CRMP1: variants seen among roughly 807,000 people sequenced by gnomAD.
CRMP1 encodes collapsin response mediator protein 1.
A neutral mutation model predicts 68.3 loss-of-function variants in CRMP1; 19 were observed. The observed-to-expected ratio is 0.28, with a 90% CI of 0.19 to 0.41. The LOEUF is 0.41. Ranked by LOEUF, CRMP1 falls within the 10% of genes least tolerant of loss-of-function variation. The pLI is 1.00. For missense variants in CRMP1, 791 were observed against 967.4 expected, an observed-to-expected ratio of 0.82 and a Z score of 2.42; for synonymous variants, 439 against 399.6, an observed-to-expected ratio of 1.10 and a Z score of -1.18.
At chr4:5,836,720 G>A (rs1200445886) in intron 10 of CRMP1, 45 bp downstream of exon 10, 1 of 1,613,644 alleles carries the variant, frequency 6.2e-7, no homozygotes, top group African/African-American at 1.3e-5. Context: ...TCACAGGGCA[G>A]GTAGAGTGTT....
chr4:5,886,142 T>A (rs530761411), intron 1 of CRMP1, among the ~76,000 whole-genome samples: 2 of 152,182 alleles, frequency 1.3e-5, no homozygotes, highest in African/African-American at 2.4e-5. Context: ...GTGGGCCAAA[T>A]GAACACAAAT....
At position 5,855,280 on chromosome 4, in the gene CRMP1, G is replaced by C. The variant is rs1440337346; in HGVS notation, c.820+863C>G. Among the ~76,000 whole-genome samples, 1 of 152,254 alleles carries C rather than the reference G, an allele frequency of 6.6e-6. No homozygotes were observed. The highest frequency in any genetic ancestry group is 2.1e-4 in the South Asian group (1 of 4,820). On this transcript the variant is annotated intron_variant, in intron 4 of 13. Coordinates refer to ENST00000324989, the MANE Select transcript of CRMP1 (RefSeq NM_001014809.3). The surrounding 1 kb of genome is among the most constrained non-coding windows in gnomAD (Gnocchi z 4.9). ...TTCTTTAAATATTGGGGATGATACT[G>C]TTATTACGAGAAAACATAGCACAGC...
Position 5,825,584 on chromosome 4 carries a change from C to G in CRMP1, c.1879G>C (p.Ala627Pro). 6.2e-7 allele frequency: 1 copy of G among 1,602,106 alleles called. No homozygotes were observed. The highest frequency in any genetic ancestry group is 1.3e-5 in the African/African-American group (1 of 74,226). The part of the protein sequence containing the change: ...VYEVPATPKY[A>P]TPAPSAKSSP... Reference sequence around the variant, plus strand: ...GATTTGGCTGAAGGAGCGGGAGTTGCATATTTGGGTGTAGCTGGTACCTCG... The same window carrying G: ...GATTTGGCTGAAGGAGCGGGAGTTGGATATTTGGGTGTAGCTGGTACCTCG... The change falls in exon 13 of 14, where the codon GCA becomes CCA. Residue 627 changes from alanine to proline, a missense_variant. Physicochemically the swap from Ala to Pro is conservative, Grantham distance 27. Around this residue, in one of 3 missense-constraint regions of CRMP1, gnomAD observed 594 missense variants for 763.6 expected, o/e 0.78. Transcript: ENST00000324989. The surrounding 1 kb of genome is among the most constrained non-coding windows in gnomAD (Gnocchi z 4.4).
chr4:5,868,280 T>TCTATATATATAG (rs1213817219), intron 1 of CRMP1, among the ~76,000 whole-genome samples: 2 of 86,346 alleles, frequency 2.3e-5, no homozygotes, highest in African/African-American at 1.1e-4. Flanking sequence ...TATATATATA[T>TCTATATATATAG]ATATATATAT....
chr4:5,890,083 G>A lies in CRMP1; in HGVS notation c.381+2506C>T, dbSNP rs557919401. On this transcript the variant is annotated intron_variant, in intron 1 of 13. Coordinates refer to ENST00000324989, the MANE Select transcript of CRMP1 (RefSeq NM_001014809.3). This position sits in a 1 kb window ranked among gnomAD's most constrained non-coding sequence, Gnocchi z 5.5. ...TTCATGCATCCCTGGCTCTCAGCGG[G>A]GCCTAAAATCCCTGTCAATGACCGG... 2.0e-3 allele frequency: 686 copies of A among 345,466 alleles called. 2 individuals are homozygous for A. The highest frequency in any genetic ancestry group is 2.2e-3 in the Non-Finnish European group (509 of 227,428). 21.4% of individuals were successfully genotyped at this position (345,466 alleles called of 1,614,324 possible).
chr4:5,869,473 G>A (rs567719198), intron 1 of CRMP1, among the ~76,000 whole-genome samples: 26 of 151,994 alleles, frequency 1.7e-4, no homozygotes, highest in African/African-American at 5.8e-4. Context: ...ACGAGGTCAG[G>A]AGATCGAGAC....
At chr4:5,845,182 C>G (rs1712098513) in intron 6 of CRMP1, among the ~76,000 whole-genome samples, 1 of 152,178 alleles carries the variant, frequency 6.6e-6, no homozygotes, top group South Asian at 2.1e-4. Flanking sequence ...AAGATGACTC[C>G]CAGTGATCCC....
chr4:5,835,521 G>A (rs770389505), intron 11 of CRMP1, among the ~76,000 whole-genome samples: 1 of 152,248 alleles, frequency 6.6e-6, no homozygotes, highest in African/African-American at 2.4e-5. Flanking sequence ...AACCGAGTGG[G>A]AGGTTTCCGA....
chr4:5,821,934 T>G lies in CRMP1; in HGVS notation c.1970-83A>C. On this transcript the variant is annotated intron_variant, in intron 13 of 13. Transcript: ENST00000324989. This position sits in a 1 kb window ranked among gnomAD's most constrained non-coding sequence, Gnocchi z 4.4. Reference sequence around the variant, plus strand: ...CTCCTGGAGGCCATGTACTCTGCCATGCACTCCACTGGACCCACCTTCATT... The same window carrying G: ...CTCCTGGAGGCCATGTACTCTGCCAGGCACTCCACTGGACCCACCTTCATT... 2.4e-6 allele frequency: 3 copies of G among 1,252,428 alleles called. No individual in the cohort carries two copies. The highest frequency in any genetic ancestry group is 2.7e-5 in the South Asian group (2 of 73,100). 77.6% of individuals were successfully genotyped at this position (1,252,428 alleles called of 1,614,324 possible).
In CRMP1 at chr4:5,888,272, C is replaced by A; in HGVS notation, c.381+4317G>T. ...TTCTTGCCCTGGTACGACATGGCCCCCTCTGGCGCCCTCGGCCCGGCCGCT... is the reference window on the plus strand; with the variant it reads ...TTCTTGCCCTGGTACGACATGGCCCACTCTGGCGCCCTCGGCCCGGCCGCT... On this transcript the variant is annotated intron_variant, in intron 1 of 13. Transcript: ENST00000324989. This position sits in a 1 kb window ranked among gnomAD's most constrained non-coding sequence, Gnocchi z 6.4. 1 of 1,273,660 alleles carries A rather than the reference C, an allele frequency of 7.9e-7. No homozygotes were observed. Among genetic ancestry groups the A allele is most frequent in the East Asian group, 3.1e-5 (1 of 32,682 alleles). The allele number at this position is 1,273,660 out of a possible 1,614,324, so 78.9% of individuals were successfully genotyped here.
At position 5,821,924 on chromosome 4, in the gene CRMP1, T is replaced by C; in HGVS notation, c.1970-73A>G. The stretch of plus-strand genomic sequence containing the variant: ...TTCCACGCTGCTCCTGGAGGCCATG[T>C]ACTCTGCCATGCACTCCACTGGACC... On this transcript the variant is annotated intron_variant, in intron 13 of 13. Transcript: ENST00000324989. This position sits in a 1 kb window ranked among gnomAD's most constrained non-coding sequence, Gnocchi z 4.4. 8.4e-7 allele frequency: 1 copy of C among 1,187,230 alleles called. No individual in the cohort carries two copies. The highest frequency in any genetic ancestry group is 1.1e-6 in the Non-Finnish European group (1 of 872,272). 73.5% of individuals were successfully genotyped at this position (1,187,230 alleles called of 1,614,324 possible). A position where few individuals can be genotyped will look rare whatever the true frequency, so the allele number is the denominator to read the frequency against.
At position 5,843,189 on chromosome 4, in the gene CRMP1, G is replaced by C. The variant is rs574893177; in HGVS notation, c.964-28C>G. ...ACAAGACAAGAACAAGTGAGTTAAC[G>C]ATTAGAGGGTGTCAGAGCTGGGAGA... On this transcript the variant is annotated intron_variant, in intron 6 of 13. Coordinates refer to ENST00000324989, the MANE Select transcript of CRMP1 (RefSeq NM_001014809.3). This position sits in a 1 kb window ranked among gnomAD's most constrained non-coding sequence, Gnocchi z 4.1. 6.2e-7 allele frequency: 1 copy of C among 1,612,480 alleles called. No homozygotes were observed. Among genetic ancestry groups the C allele is most frequent in the Non-Finnish European group, 8.5e-7 (1 of 1,178,674 alleles).
rs373931013 is a variant in CRMP1 at position 5,871,521 on chromosome 4, G to A, written c.382-4765C>T. 5.9e-5 allele frequency among the ~76,000 whole-genome samples: 9 copies of A among 152,068 alleles called. No individual in the cohort carries two copies. In the South Asian group the frequency reaches 1.0e-3, roughly 18 times the overall value. On this transcript the variant is annotated intron_variant, in intron 1 of 13. Transcript: ENST00000324989. ...TAAAAATACAAAAAATTAGCCGGGC[G>A]TGGTGGCGCACGCCTGTGGTCCCAG...
chr4:5,858,394 T>G lies in CRMP1; in HGVS notation c.656-2087A>C, dbSNP rs1462762752. On this transcript the variant is annotated intron_variant, in intron 3 of 13. Coordinates refer to ENST00000324989, the MANE Select transcript of CRMP1 (RefSeq NM_001014809.3). This position sits in a 1 kb window ranked among gnomAD's most constrained non-coding sequence, Gnocchi z 5.5. ...CCAAATGAGAATGTCCAAAACCTCA[T>G]GCAATACTCTCCCCACCCCGACCCC... Among the ~76,000 whole-genome samples the G allele has an allele frequency of 1.3e-5, 2 of 150,320 alleles. No individual in the cohort carries two copies. The highest frequency in any genetic ancestry group is 3.0e-5 in the Non-Finnish European group (2 of 67,732).
intron 6 of CRMP1, among the ~76,000 whole-genome samples, chr4:5,844,543 C>T (rs144048281): frequency 6.6e-6 from 1 of 152,304 alleles, no homozygotes; most frequent in Non-Finnish European, 1.5e-5. Context: ...CCAAAACACA[C>T]AGAAGTCACA....
At chr4:5,824,893 TAAG>T (rs1363895502) in intron 13 of CRMP1, 3 of 985,394 alleles carry the variant, frequency 3.0e-6, no homozygotes, top group Non-Finnish European at 3.6e-6. Flanking sequence ...CCTGAGACCT[TAAG>T]AAAGTCAGGA....
chr4:5,824,542 T>A, intron 13 of CRMP1: 1 of 984,372 alleles, frequency 1.0e-6, no homozygotes, highest in Non-Finnish European at 1.2e-6. Context: ...ATATCGCCTT[T>A]CCTGACCAGG....
chr4:5,849,550 T>C, intron 5 of CRMP1, 78 bp from the exon 6 acceptor site: 1 of 960,690 alleles, frequency 1.0e-6, no homozygotes. Context: ...ATGAAGACCG[T>C]TCCGATCACA....
intron 13 of CRMP1, among the ~76,000 whole-genome samples, chr4:5,822,498 G>GCA (rs1560472216): frequency 2.0e-5 from 3 of 152,068 alleles, no homozygotes; most frequent in African/African-American, 7.2e-5. Context: ...TCTGAAGGGG[G>GCA]GGGGGGTGGT....
Sources: gnomAD v4.1 joint callset for allele counts (sites outside exome capture counted in the v4.1 genomes callset) on GRCh38, gnomAD v4.1.1 for gene constraint, gnomAD v4.1.1 regional missense constraint, Gnocchi (gnomAD v3.1) non-coding constraint, MANE v1.5 for transcripts, NCBI Gene and HGNC (gene_info 2026-07-23, HGNC 2026-07-21) for gene names.